FBXL2: variants seen among roughly 807,000 people sequenced by gnomAD.
FBXL2 encodes F-box/LRR-repeat protein 2.
In FBXL2, 38 loss-of-function variants were observed where a neutral mutation model predicts 69.2. The ratio of observed to expected loss-of-function variants is 0.55; its 90% CI spans 0.42 to 0.72. The LOEUF is 0.72. Among genes scored for constraint, FBXL2 ranks in the 30% least tolerant of loss-of-function variants. FBXL2 has a pLI of 0.00. For synonymous variants in FBXL2, 192 were observed against 201.3 expected, an observed-to-expected ratio of 0.95 and a Z score of 0.39; for missense variants, 354 against 520.3, an observed-to-expected ratio of 0.68 and a Z score of 3.11.
chr3:33,287,033 C>T (rs941550584), intron 1 of FBXL2, among the ~76,000 whole-genome samples: 2 of 152,098 alleles, frequency 1.3e-5, no homozygotes, highest in East Asian at 1.9e-4. Flanking sequence ...ACCCACGGTC[C>T]GACAAGCCCC....
chr3:33,415,020 T>C, the FBXL2 span, among the ~76,000 whole-genome samples: 2 of 152,230 alleles, frequency 1.3e-5, no homozygotes, highest in African/African-American at 4.8e-5. Flanking sequence ...GCATTAATTT[T>C]GTATATTAAA....
chr3:33,314,554 G>A (rs1236024456), intron 2 of FBXL2, among the ~76,000 whole-genome samples: 1 of 152,112 alleles, frequency 6.6e-6, no homozygotes, highest in African/African-American at 2.4e-5. Flanking sequence ...TAAAACCATG[G>A]TAATGAACTT....
chr3:33,405,951 ATC>A (rs1163405236), downstream of FBXL2, among the ~76,000 whole-genome samples: 1 of 152,148 alleles, frequency 6.6e-6, no homozygotes, highest in Non-Finnish European at 1.5e-5. Flanking sequence ...CCAATTATGT[ATC>A]TCCTTAAAAA....
chr3:33,308,647 A>C (rs891618504), intron 2 of FBXL2, among the ~76,000 whole-genome samples: 8 of 152,150 alleles, frequency 5.3e-5, no homozygotes, highest in African/African-American at 1.9e-4. Flanking sequence ...AACAGGCAAT[A>C]ATTTTTCTTC....
intron 12 of FBXL2, among the ~76,000 whole-genome samples, chr3:33,398,990 C>T (rs888483531): frequency 2.6e-5 from 4 of 152,218 alleles, no homozygotes; most frequent in Admixed American, 1.3e-4. Flanking sequence ...AAGAAGTACA[C>T]GGGGAATAAC....
intron 2 of FBXL2, among the ~76,000 whole-genome samples, chr3:33,357,357 G>C (rs1451827529): frequency 6.6e-6 from 1 of 152,158 alleles, no homozygotes; most frequent in Non-Finnish European, 1.5e-5. Flanking sequence ...CTGATAATCA[G>C]ATGTGGCTAG....
intron 4 of FBXL2, among the ~76,000 whole-genome samples, chr3:33,362,755 A>G (rs961445255): frequency 6.6e-6 from 1 of 152,020 alleles, no homozygotes; most frequent in African/African-American, 2.4e-5. Context: ...AATGGAGAAG[A>G]GTATATTAGG....
chr3:33,302,162 A>G (rs745867955), intron 2 of FBXL2, among the ~76,000 whole-genome samples: 1 of 152,230 alleles, frequency 6.6e-6, no homozygotes, highest in Non-Finnish European at 1.5e-5. Flanking sequence ...GGATCTTAAT[A>G]TATGCTACTG....
intron 12 of FBXL2, among the ~76,000 whole-genome samples, chr3:33,395,116 A>G (rs1330473244): frequency 1.3e-5 from 2 of 152,214 alleles, no homozygotes; most frequent in Non-Finnish European, 2.9e-5. Context: ...TTGATGATAC[A>G]TGGAGATCTC....
At chr3:33,361,166 C>A (rs564613444) in intron 4 of FBXL2, among the ~76,000 whole-genome samples, 2 of 145,258 alleles carry the variant, frequency 1.4e-5, no homozygotes, top group African/African-American at 5.1e-5. Context: ...AGGATGGTCT[C>A]GATCTCCTGA....
At chr3:33,307,262 C>T (rs1406684408) in intron 2 of FBXL2, among the ~76,000 whole-genome samples, 2 of 152,130 alleles carry the variant, frequency 1.3e-5, no homozygotes, top group Admixed American at 6.6e-5. Flanking sequence ...GCATTCCTGA[C>T]AAAAATTTAT....
chr3:33,397,187 T>A (rs760015736), intron 12 of FBXL2: 1 of 1,385,922 alleles, frequency 7.2e-7, no homozygotes. Flanking sequence ...AGAACAGAAC[T>A]GCTTTACAGG....
At chr3:33,308,057 G>A (rs1294015431) in intron 2 of FBXL2, among the ~76,000 whole-genome samples, 1 of 151,992 alleles carries the variant, frequency 6.6e-6, no homozygotes, top group Non-Finnish European at 1.5e-5. Context: ...TTGTTTGTTT[G>A]TTGAGGCAGG....
chr3:33,347,550 T>G (rs2040534240), intron 2 of FBXL2, among the ~76,000 whole-genome samples: 1 of 152,186 alleles, frequency 6.6e-6, no homozygotes, highest in South Asian at 2.1e-4. Context: ...GTGGAATTGC[T>G]GGATCATATG....
At chr3:33,373,006 G>A in intron 5 of FBXL2, 86 bp from the exon 6 acceptor site, 1 of 1,099,734 alleles carries the variant, frequency 9.1e-7, no homozygotes, top group Non-Finnish European at 1.4e-6. Flanking sequence ...TTGAGGGAGC[G>A]CTGTTCTAAG....
At chr3:33,401,910 ACTC>A (rs1309526445) in intron 12 of FBXL2, among the ~76,000 whole-genome samples, 1 of 152,082 alleles carries the variant, frequency 6.6e-6, no homozygotes, top group Admixed American at 6.6e-5. Flanking sequence ...TCCTCTGGTC[ACTC>A]CTCTAATTTT....
intron 2 of FBXL2, among the ~76,000 whole-genome samples, chr3:33,334,926 C>T (rs911759687): frequency 1.3e-5 from 2 of 151,760 alleles, no homozygotes; most frequent in Non-Finnish European, 2.9e-5. Flanking sequence ...ACCAAAAATA[C>T]CCCTCCCCCC....
chr3:33,279,161 G>T (rs2033669862), intron 1 of FBXL2, among the ~76,000 whole-genome samples: 1 of 152,176 alleles, frequency 6.6e-6, no homozygotes, highest in Non-Finnish European at 1.5e-5. Flanking sequence ...TAACTCACAG[G>T]AGCTTAATTG....
chr3:33,366,330 A>G (rs1216962156), intron 5 of FBXL2, among the ~76,000 whole-genome samples: 1 of 152,104 alleles, frequency 6.6e-6, no homozygotes, highest in Non-Finnish European at 1.5e-5. Context: ...GTATCAAGGT[A>G]ATACTGGCTT....
Sources: gnomAD v4.1 joint callset for allele counts (sites outside exome capture counted in the v4.1 genomes callset) on GRCh38, gnomAD v4.1.1 for gene constraint, MANE v1.5 for transcripts, NCBI Gene and HGNC (gene_info 2026-07-23, HGNC 2026-07-21) for gene names.